The following ELK3 variants were observed in gnomAD, a reference collection of about 807,000 sequenced individuals.
ELK3 encodes the protein ETS transcription factor ELK3.
ELK3 carries 10 observed loss-of-function variants against 28.9 expected under a neutral mutation model. The ratio of observed to expected loss-of-function variants is 0.35; its 90% CI spans 0.21 to 0.59. The LOEUF (loss-of-function observed/expected upper bound fraction) is 0.59, where lower values mean the gene tolerates loss of function less well. Ranked by LOEUF, ELK3 falls within the 20% of genes least tolerant of loss-of-function variation. ELK3 has a pLI of 0.82. For missense variants in ELK3, 463 were observed against 517.3 expected, an observed-to-expected ratio of 0.90 and a Z score of 1.02; for synonymous variants, 272 against 243.5, an observed-to-expected ratio of 1.12 and a Z score of -1.09.
chr12:96,224,913 G>T (rs181288387), intron 2 of ELK3, among the ~76,000 whole-genome samples: 96 of 152,234 alleles, frequency 6.3e-4, no homozygotes, highest in Admixed American at 3.2e-3. Context: ...AAGACATAAG[G>T]ATTATACGTT....
At chr12:96,219,089 G>C (rs1951643939) in intron 1 of ELK3, among the ~76,000 whole-genome samples, 1 of 152,192 alleles carries the variant, frequency 6.6e-6, no homozygotes, top group South Asian at 2.1e-4. Context: ...TTTTAACTTA[G>C]AGCAGGCCTC....
chr12:96,242,883 C>T (rs970913502), intron 2 of ELK3, among the ~76,000 whole-genome samples: 2 of 152,178 alleles, frequency 1.3e-5, no homozygotes, highest in South Asian at 2.1e-4. Context: ...TGACCTGCCT[C>T]GGTTCTTTCC....
intron 1 of ELK3, among the ~76,000 whole-genome samples, chr12:96,199,888 T>C (rs1278133014): frequency 6.6e-6 from 1 of 152,174 alleles, no homozygotes; most frequent in Non-Finnish European, 1.5e-5. Context: ...TATTCTAATT[T>C]GAATTAGACT....
At chr12:96,260,378 T>A (rs1332826920) in intron 4 of ELK3, among the ~76,000 whole-genome samples, 1 of 152,208 alleles carries the variant, frequency 6.6e-6, no homozygotes, top group East Asian at 1.9e-4. Context: ...TTGTTTGACA[T>A]AAAGTGAAAA....
Position 96,247,827 on chromosome 12 carries a change from A to G in ELK3, c.1002+93A>G. 7.2e-7 allele frequency: 1 copy of G among 1,381,490 alleles called. No homozygotes were observed. The highest frequency in any genetic ancestry group is 9.5e-7 in the Non-Finnish European group (1 of 1,049,344). 85.6% of individuals were successfully genotyped at this position (1,381,490 alleles called of 1,614,324 possible). On this transcript the variant is annotated intron_variant, in intron 3 of 4. Transcript: ENST00000228741. The surrounding 1 kb of genome is among the most constrained non-coding windows in gnomAD (Gnocchi z 5.5). ...TAAAGAGACTTCCTTCTGTCCCTCA[A>G]AACGTTGTCCTATGACTCGTACCGA...
At chr12:96,225,396 T>G (rs1464957829) in intron 2 of ELK3, among the ~76,000 whole-genome samples, 1 of 152,222 alleles carries the variant, frequency 6.6e-6, no homozygotes, top group African/African-American at 2.4e-5. Context: ...GCTCACAAAA[T>G]TAGCAAAGCC....
At chr12:96,245,087 G>C (rs1385037719) in intron 2 of ELK3, among the ~76,000 whole-genome samples, 1 of 152,024 alleles carries the variant, frequency 6.6e-6, no homozygotes, top group Non-Finnish European at 1.5e-5. Context: ...CCTGGGCGTC[G>C]GCCTGTATGC....
intron 3 of ELK3, among the ~76,000 whole-genome samples, chr12:96,257,597 CTT>C (rs1951960310): frequency 6.6e-6 from 1 of 152,208 alleles, no homozygotes; most frequent in Non-Finnish European, 1.5e-5. Context: ...AAGATTGTCT[CTT>C]TAAAGCTTTG....
At chr12:96,248,275 CTG>C (rs1288309576) in intron 3 of ELK3, among the ~76,000 whole-genome samples, 1 of 152,240 alleles carries the variant, frequency 6.6e-6, no homozygotes, top group Non-Finnish European at 1.5e-5. Flanking sequence ...CAGCACTACT[CTG>C]AGAAAGCCCC....
chr12:96,249,246 T>C (rs1479444868), intron 3 of ELK3, among the ~76,000 whole-genome samples: 1 of 152,176 alleles, frequency 6.6e-6, no homozygotes, highest in East Asian at 1.9e-4. Flanking sequence ...GAGAAGGCAG[T>C]GTCCCTGATC....
intron 4 of ELK3, 70 bp downstream of exon 4, chr12:96,259,923 A>G: frequency 3.3e-6 from 5 of 1,498,926 alleles, no homozygotes; most frequent in Non-Finnish European, 4.4e-6. Flanking sequence ...AATCCTGCAG[A>G]GGTAACGGTG....
At chr12:96,242,077 C>G (rs558442598) in intron 2 of ELK3, among the ~76,000 whole-genome samples, 16 of 152,374 alleles carry the variant, frequency 1.1e-4, no homozygotes, top group African/African-American at 3.8e-4. Flanking sequence ...CAGCATCGCT[C>G]AGGTTACCAG....
intron 1 of ELK3, among the ~76,000 whole-genome samples, chr12:96,209,089 C>T (rs542614354): frequency 9.8e-5 from 15 of 152,332 alleles, no homozygotes; most frequent in South Asian, 2.1e-4. Context: ...CTGACCCTGC[C>T]GTGGTGCAGC....
chr12:96,240,894 G>T (rs1340183053), intron 2 of ELK3, among the ~76,000 whole-genome samples: 1 of 152,184 alleles, frequency 6.6e-6, no homozygotes, highest in African/African-American at 2.4e-5. Flanking sequence ...CATAACCTTG[G>T]ATCAAAATTG....
chr12:96,216,452 C>T (rs1951619386), intron 1 of ELK3, among the ~76,000 whole-genome samples: 1 of 152,190 alleles, frequency 6.6e-6, no homozygotes, highest in Middle Eastern at 3.2e-3. Context: ...TGATGATAGA[C>T]TACAAAACAG....
chr12:96,229,250 A>G (rs1165997099), intron 2 of ELK3, among the ~76,000 whole-genome samples: 2 of 152,248 alleles, frequency 1.3e-5, no homozygotes, highest in African/African-American at 4.8e-5. Flanking sequence ...ATTGTCCCGT[A>G]GTTTCCTAGG....
chr12:96,238,420 A>G (rs1251040344), intron 2 of ELK3, among the ~76,000 whole-genome samples: 1 of 152,256 alleles, frequency 6.6e-6, no homozygotes, highest in Non-Finnish European at 1.5e-5. Flanking sequence ...TCACCCCAGC[A>G]CTGGGTCCAC....
intron 4 of ELK3, among the ~76,000 whole-genome samples, chr12:96,265,309 A>C (rs1220424379): frequency 1.3e-5 from 2 of 152,250 alleles, no homozygotes; most frequent in African/African-American, 4.8e-5. Flanking sequence ...TTATTTTGCA[A>C]AACAGATGAA....
intron 1 of ELK3, among the ~76,000 whole-genome samples, chr12:96,221,256 T>C (rs1237843037): frequency 1.3e-5 from 2 of 152,208 alleles, no homozygotes; most frequent in Non-Finnish European, 2.9e-5. Context: ...TGGATTGCAA[T>C]GAAAAGTGAT....
Sources: allele counts gnomAD v4.1 joint callset (sites outside exome capture counted in the v4.1 genomes callset), GRCh38; gene constraint gnomAD v4.1.1; non-coding constraint Gnocchi (gnomAD v3.1); transcripts MANE v1.5; gene names NCBI Gene and HGNC (gene_info 2026-07-23, HGNC 2026-07-21).